The following RAP1A variants were observed in gnomAD, a reference collection of about 807,000 sequenced individuals.
The protein encoded by RAP1A is ras-related protein Rap-1A.
RAP1A carries 6 observed loss-of-function variants against 26.4 expected under a neutral mutation model. The observed-to-expected ratio is 0.23, with a 90% CI of 0.12 to 0.45. RAP1A has a LOEUF of 0.45. RAP1A is among the 20% of genes least tolerant of loss of function. The probability of loss-of-function intolerance (pLI) is 0.99; values close to 1 mark genes in which losing one functional copy is unlikely to be tolerated. For missense variants in RAP1A, 121 were observed against 217.2 expected (o/e 0.56, Z 2.78); for synonymous variants, 73 against 79.4 (o/e 0.92, Z 0.43).
At chr1:111,600,293 C>T (rs764673943) in intron 1 of RAP1A, among the ~76,000 whole-genome samples, 4 of 152,186 alleles carry the variant, frequency 2.6e-5, no homozygotes, top group Non-Finnish European at 5.9e-5. Context: ...AATGCCTTGG[C>T]CAGTCAGGAC....
At chr1:111,642,701 A>G (rs1213433273) in intron 1 of RAP1A, among the ~76,000 whole-genome samples, 1 of 149,112 alleles carries the variant, frequency 6.7e-6, no homozygotes, top group Admixed American at 6.7e-5. Flanking sequence ...GTTAGCCAGG[A>G]TGGTTTCGAT....
intron 1 of RAP1A, among the ~76,000 whole-genome samples, chr1:111,668,282 G>C (rs1264046643): frequency 6.6e-6 from 1 of 152,162 alleles, no homozygotes; most frequent in Non-Finnish European, 1.5e-5. Flanking sequence ...AAGAAAAAGA[G>C]ACTGAAAATA....
chr1:111,644,778 T>G (rs1279073941), intron 1 of RAP1A, among the ~76,000 whole-genome samples: 1 of 152,166 alleles, frequency 6.6e-6, no homozygotes, highest in East Asian at 1.9e-4. Flanking sequence ...ATGAAACTTT[T>G]TTTGGGGAAG....
chr1:111,616,299 T>C (rs1659013283), upstream of RAP1A, among the ~76,000 whole-genome samples: 1 of 152,196 alleles, frequency 6.6e-6, no homozygotes, highest in South Asian at 2.1e-4. Flanking sequence ...TTTCTCCTGT[T>C]TGTGCAGCTC....
intron 1 of RAP1A, among the ~76,000 whole-genome samples, chr1:111,563,277 AAAATAAATAAAT>A (rs373749625): frequency 4.6e-5 from 7 of 151,744 alleles, no homozygotes; most frequent in Non-Finnish European, 1.5e-5. Flanking sequence ...TCCTGTCTCA[AAAATAAATAAAT>A]AAATAAATAA....
intron 1 of RAP1A, among the ~76,000 whole-genome samples, chr1:111,621,812 G>T (rs1430847708): frequency 6.6e-6 from 1 of 152,166 alleles, no homozygotes; most frequent in Non-Finnish European, 1.5e-5. Context: ...TCTTAGAAGT[G>T]AACTGGATGG....
At chr1:111,552,149 G>A (rs959461554) in intron 1 of RAP1A, among the ~76,000 whole-genome samples, 3 of 152,158 alleles carry the variant, frequency 2.0e-5, no homozygotes, top group African/African-American at 7.2e-5. Context: ...TTTAGGGCTG[G>A]GCAAGCTCTG....
chr1:111,649,380 A>C, intron 1 of RAP1A: 1 of 379,412 alleles, frequency 2.6e-6, no homozygotes, highest in Non-Finnish European at 5.1e-6. Flanking sequence ...CCATCCCTGC[A>C]GCCAGACCCC....
chr1:111,542,191 C>T (rs953318539), upstream of RAP1A: 2 of 508,156 alleles, frequency 3.9e-6, no homozygotes, highest in South Asian at 1.5e-5. Flanking sequence ...GAAGGAAGAT[C>T]GTTTAGACCA....
intron 3 of RAP1A, among the ~76,000 whole-genome samples, chr1:111,695,948 G>T (rs1461987948): frequency 6.6e-6 from 1 of 152,110 alleles, no homozygotes; most frequent in Non-Finnish European, 1.5e-5. Context: ...TGTTCATGTG[G>T]GTTCATCAGT....
Position 111,585,381 on chromosome 1 carries a change from G to A in RAP1A, c.-28+42872G>A, listed in dbSNP as rs767378728. ...AATATTTAAACCATAAAGGCAGCAA[G>A]GCCGGTGATTAAGGAGATTAAATAG... On this transcript the variant is annotated intron_variant, in intron 1 of 7. Transcript: ENST00000356415. Among the ~76,000 whole-genome samples, 10 of 152,290 alleles carry A rather than the reference G, an allele frequency of 6.6e-5. No homozygotes were observed. In the East Asian group the frequency reaches 9.6e-4, roughly 15 times the overall value.
rs958020645 is a variant in RAP1A at position 111,715,854 on chromosome 1, A to G, written c.*3453A>G. Reference sequence around the variant, plus strand: ...ATTTCCTGGACATGGCCAGTTTAAAATATTTTGCCCCATTACCCTTGTAGA... The same window carrying G: ...ATTTCCTGGACATGGCCAGTTTAAAGTATTTTGCCCCATTACCCTTGTAGA... On this transcript the variant is annotated 3_prime_UTR_variant, in exon 8 of 8. Coordinates refer to ENST00000369709, the MANE Select transcript of RAP1A (RefSeq NM_002884.4). The G allele has an allele frequency of 6.6e-6, 1 of 152,244 alleles. No homozygotes were observed. Among genetic ancestry groups the G allele is most frequent in the African/African-American group, 2.4e-5 (1 of 41,470 alleles). The allele number at this position is 152,244 out of a possible 1,614,324, so 9.4% of individuals were successfully genotyped here. A position where few individuals can be genotyped will look rare whatever the true frequency, so the allele number is the denominator to read the frequency against.
intron 1 of RAP1A, among the ~76,000 whole-genome samples, chr1:111,569,125 G>A (rs536759080): frequency 4.5e-4 from 69 of 152,182 alleles, no homozygotes; most frequent in South Asian, 2.5e-3. Flanking sequence ...CTTGGAGGCC[G>A]GGCATGGTGG....
intron 1 of RAP1A, among the ~76,000 whole-genome samples, chr1:111,563,173 G>A (rs566828235): frequency 1.7e-4 from 26 of 152,258 alleles, no homozygotes; most frequent in Admixed American, 8.5e-4. Flanking sequence ...TACTCAGGTG[G>A]CTGAGGCAGG....
intron 1 of RAP1A, among the ~76,000 whole-genome samples, chr1:111,673,434 A>G (rs546134898): frequency 1.1e-4 from 17 of 152,376 alleles, no homozygotes; most frequent in Admixed American, 3.9e-4. Context: ...CATTTATGTT[A>G]AAAATTGCAG....
chr1:111,630,502 A>T (rs1410173175), intron 1 of RAP1A, among the ~76,000 whole-genome samples: 1 of 152,224 alleles, frequency 6.6e-6, no homozygotes, highest in Non-Finnish European at 1.5e-5. Context: ...AGAGAGACAC[A>T]GTAGAAAAAC....
rs576666262 is a variant in RAP1A at position 111,637,018 on chromosome 1, A to AT, written c.-28+17088dup. ...ACCTCATAACCTTGCAGAAATACTG[A>AT]TTTTATGGGTCTGTGATAGGGCTAG... On this transcript the variant is annotated intron_variant, in intron 1 of 7. Coordinates refer to ENST00000369709, the MANE Select transcript of RAP1A (RefSeq NM_002884.4). Among the ~76,000 whole-genome samples, 77 of 152,178 alleles carry AT rather than the reference A, an allele frequency of 5.1e-4. No homozygotes were observed. In the South Asian group the frequency reaches 0.016, roughly 31 times the overall value.
intron 1 of RAP1A, among the ~76,000 whole-genome samples, chr1:111,566,801 A>G (rs775806639): frequency 1.1e-3 from 164 of 152,040 alleles, no homozygotes; most frequent in Non-Finnish European, 2.1e-3. Context: ...GTCACACTCC[A>G]TCTCAGCAAC....
At chr1:111,691,136 C>T (rs368053214) in intron 1 of RAP1A, among the ~76,000 whole-genome samples, 198 bp from the exon 2 acceptor site, 4 of 152,084 alleles carry the variant, frequency 2.6e-5, no homozygotes, top group Admixed American at 1.3e-4. Flanking sequence ...AGATGATCTT[C>T]GGTGAATTAA....
Sources: allele counts gnomAD v4.1 joint callset (sites outside exome capture counted in the v4.1 genomes callset), GRCh38; gene constraint gnomAD v4.1.1; transcripts MANE v1.5; gene names NCBI Gene and HGNC (gene_info 2026-07-23, HGNC 2026-07-21).